DPP10: variants seen among roughly 807,000 people sequenced by gnomAD.
The protein encoded by DPP10 is inactive dipeptidyl peptidase 10.
In DPP10, 33 loss-of-function variants were observed where a neutral mutation model predicts 120.9. The ratio of observed to expected loss-of-function variants is 0.27; its 90% CI spans 0.21 to 0.37. DPP10 has a LOEUF of 0.37. DPP10 is among the 10% of genes least tolerant of loss of function. DPP10 has a pLI of 1.00. For missense variants in DPP10, 816 were observed against 942.8 expected (o/e 0.87, Z 1.76); for synonymous variants, 337 against 326.1 (o/e 1.03, Z -0.36).
intron 1 of DPP10, among the ~76,000 whole-genome samples, chr2:114,989,346 T>C (rs910748812): frequency 2.6e-5 from 4 of 152,120 alleles, no homozygotes; most frequent in Admixed American, 1.3e-4. Context: ...GAAGATCACA[T>C]AAGACCTGGA....
chr2:114,513,539 AAAAAG>A (rs1456524677), intron 1 of DPP10, among the ~76,000 whole-genome samples: 2 of 150,894 alleles, frequency 1.3e-5, no homozygotes, highest in Non-Finnish European at 3.0e-5. Flanking sequence ...AAAAAAAAAA[AAAAAG>A]AAACTAGAGC....
intron 1 of DPP10, among the ~76,000 whole-genome samples, chr2:114,797,028 G>C (rs985781702): frequency 6.6e-6 from 1 of 152,098 alleles, no homozygotes; most frequent in African/African-American, 2.4e-5. Context: ...ATACATAAGA[G>C]GATAAAAGAG....
At chr2:115,813,002 T>C (rs1007872789) in intron 19 of DPP10, among the ~76,000 whole-genome samples, 2 of 118,108 alleles carry the variant, frequency 1.7e-5, no homozygotes, top group African/African-American at 6.9e-5. Flanking sequence ...TGAGACGGAG[T>C]CTCGCTCTGT....
At chr2:115,397,910 C>T (rs1305883590) in intron 3 of DPP10, among the ~76,000 whole-genome samples, 1 of 152,134 alleles carries the variant, frequency 6.6e-6, no homozygotes, top group Non-Finnish European at 1.5e-5. Flanking sequence ...TCCACATAAC[C>T]TCTGTTGAAT....
chr2:114,927,333 A>G (rs1553455935), intron 1 of DPP10, among the ~76,000 whole-genome samples: 1 of 147,958 alleles, frequency 6.8e-6, no homozygotes, highest in Non-Finnish European at 1.5e-5. Context: ...TTTTTTTGCC[A>G]AGGTTGAGGA....
chr2:115,551,906 T>C (rs1047278393), intron 5 of DPP10, among the ~76,000 whole-genome samples: 2 of 152,170 alleles, frequency 1.3e-5, no homozygotes, highest in Non-Finnish European at 2.9e-5. Context: ...TTTCAAATTA[T>C]ATCTATTAAG....
chr2:115,250,990 T>G (rs1322870662), intron 1 of DPP10, among the ~76,000 whole-genome samples: 1 of 152,142 alleles, frequency 6.6e-6, no homozygotes, highest in Non-Finnish European at 1.5e-5. Flanking sequence ...AAGAGTCAGA[T>G]TTTTTGGAAA....
chr2:115,379,468 G>C (rs551253936), intron 3 of DPP10, among the ~76,000 whole-genome samples: 5 of 151,884 alleles, frequency 3.3e-5, no homozygotes, highest in Non-Finnish European at 2.9e-5. Flanking sequence ...TCTTGCTAGC[G>C]GTCTGTCAAT....
intron 1 of DPP10, among the ~76,000 whole-genome samples, chr2:114,790,601 T>C (rs895805977): frequency 1.3e-5 from 2 of 151,606 alleles, no homozygotes; most frequent in Non-Finnish European, 2.9e-5. Flanking sequence ...GTGGGGCCGT[T>C]TTATAGGATT....
intron 13 of DPP10, among the ~76,000 whole-genome samples, chr2:115,776,035 G>A (rs1213912401): frequency 6.6e-6 from 1 of 152,098 alleles, no homozygotes; most frequent in Admixed American, 6.6e-5. Flanking sequence ...TATTCATATA[G>A]CATAATTGAT....
chr2:114,670,575 A>C (rs974696216), intron 1 of DPP10, among the ~76,000 whole-genome samples: 143 of 152,202 alleles, frequency 9.4e-4, no homozygotes, highest in African/African-American at 3.4e-3. Context: ...GATATACCTA[A>C]TGCTAAATGA....
chr2:114,976,719 T>A (rs1390056222), intron 1 of DPP10, among the ~76,000 whole-genome samples: 1 of 152,214 alleles, frequency 6.6e-6, no homozygotes, highest in Non-Finnish European at 1.5e-5. Flanking sequence ...AAAAGATGAA[T>A]TAGGATGGAT....
intron 7 of DPP10, among the ~76,000 whole-genome samples, chr2:115,705,342 C>T (rs533224261): frequency 4.6e-5 from 7 of 151,966 alleles, no homozygotes; most frequent in African/African-American, 1.7e-4. Context: ...TTTTTAATCT[C>T]ATCAGGATGT....
intron 3 of DPP10, among the ~76,000 whole-genome samples, chr2:115,382,523 A>G (rs2066477859): frequency 6.6e-6 from 1 of 152,194 alleles, no homozygotes; most frequent in Non-Finnish European, 1.5e-5. Context: ...GGTCTTCTGC[A>G]TCTCTCACCC....
At chr2:114,608,923 A>G (rs1422589543) in intron 1 of DPP10, among the ~76,000 whole-genome samples, 1 of 152,150 alleles carries the variant, frequency 6.6e-6, no homozygotes, top group Non-Finnish European at 1.5e-5. Flanking sequence ...GGGTTGAAAA[A>G]CTAACTATTG....
At chr2:114,770,062 T>C (rs1681112483) in intron 1 of DPP10, among the ~76,000 whole-genome samples, 1 of 152,084 alleles carries the variant, frequency 6.6e-6, no homozygotes, top group African/African-American at 2.4e-5. Flanking sequence ...AGCAGGATGG[T>C]TTTAAAAGAT....
At chr2:114,678,622 G>A (rs1046322275) in intron 1 of DPP10, among the ~76,000 whole-genome samples, 1 of 151,694 alleles carries the variant, frequency 6.6e-6, no homozygotes, top group Non-Finnish European at 1.5e-5. Flanking sequence ...AGCTCTTGAG[G>A]GCAACCATTA....
chr2:115,251,261 G>A (rs1455784651), intron 1 of DPP10, among the ~76,000 whole-genome samples: 2 of 152,192 alleles, frequency 1.3e-5, no homozygotes, highest in Non-Finnish European at 2.9e-5. Context: ...AGGTAGGTTT[G>A]ATTGGCCTAG....
chr2:115,189,720 T>C (rs947687080), intron 1 of DPP10, among the ~76,000 whole-genome samples: 2 of 152,272 alleles, frequency 1.3e-5, no homozygotes, highest in Non-Finnish European at 2.9e-5. Flanking sequence ...ATTAATAATG[T>C]GGAGGACGTT....
Sources: allele counts gnomAD v4.1 joint callset (sites outside exome capture counted in the v4.1 genomes callset), GRCh38; gene constraint gnomAD v4.1.1; transcripts MANE v1.5; gene names NCBI Gene and HGNC (gene_info 2026-07-23, HGNC 2026-07-21).